Variants in PPRC1 observed in about 807,000 individuals in gnomAD.
The protein encoded by PPRC1 is peroxisome proliferator-activated receptor gamma coactivator-related protein 1.
Under a neutral mutation model 132.5 loss-of-function variants are expected in PPRC1, and 23 were observed. That is an observed-to-expected ratio of 0.17 (90% CI 0.12 to 0.25). The LOEUF is 0.25. Ranked by LOEUF, PPRC1 falls within the 10% of genes least tolerant of loss-of-function variation. PPRC1 has a pLI of 1.00. For missense variants in PPRC1, 2,006 were observed against 2,089.1 expected, an observed-to-expected ratio of 0.96 and a Z score of 0.78; for synonymous variants, 872 against 833.5, an observed-to-expected ratio of 1.05 and a Z score of -0.80.
At position 102,133,168 on chromosome 10, in the gene PPRC1, A is replaced by G; in HGVS notation, c.100A>G (p.Ser34Gly). ...GGGARGSGWG[S>G]RSQAPYGTLG... ...GGGAGCCCGCGGCAGTGGTTGGGGA[A>G]GTCGAAGCCAAGCGCCGTATGGGAC... Residue 34 changes from serine to glycine, a missense_variant, in exon 1 of 14, where the codon AGT becomes GGT. Around this residue, in one of 2 missense-constraint regions of PPRC1, gnomAD observed 1,914 missense variants for 1,917.2 expected, o/e 1.00. Coordinates refer to ENST00000278070, the MANE Select transcript of PPRC1 (RefSeq NM_015062.5). 1 of 1,270,640 alleles carries G rather than the reference A, an allele frequency of 7.9e-7. No homozygotes were observed. The highest frequency in any genetic ancestry group is 1.5e-5 in the African/African-American group (1 of 65,650). 78.7% of individuals were successfully genotyped at this position (1,270,640 alleles called of 1,614,324 possible).
In PPRC1 at chr10:102,147,372, C is replaced by A. The variant is rs200472653; in HGVS notation, c.4380C>A (p.Pro1460=). ...GATCTCGGTCCAGGTCCCTCTCCCC[C>A]CCACACAAGAGGTGGCGAAGGTGAG... ...SSRSRSRSLS[P]PHKRWRRSSC... is the part of the protein sequence containing the mutation. The change falls in exon 9 of 14, where the codon CCC becomes CCA. Residue 1460 remains proline, a synonymous_variant. Transcript: ENST00000278070. The A allele has an allele frequency of 1.2e-6, 2 of 1,605,936 alleles. No individual in the cohort carries two copies. Among genetic ancestry groups the A allele is most frequent in the Non-Finnish European group, 1.7e-6 (2 of 1,178,084 alleles).
At chr10:102,119,967 GC>G in the PPRC1 span, 17 of 729,152 alleles carry the variant, frequency 2.3e-5, no homozygotes, top group East Asian at 3.5e-5. Flanking sequence ...AGCCCTTCCA[GC>G]CCCCGGCTTC....
At position 102,147,333 on chromosome 10, in the gene PPRC1, G is replaced by C. The variant is rs769884934; in HGVS notation, c.4341G>C (p.Ser1447=). Residue 1447 remains serine, a synonymous_variant, in exon 9 of 14, where the codon TCG becomes TCC. Coordinates refer to ENST00000278070, the MANE Select transcript of PPRC1 (RefSeq NM_015062.5). The part of the protein sequence containing the change: ...TSEASSSSSS[S]SSSSRSRSRS... ...AAGCATCTTCCTCATCCTCATCATC[G>C]TCTTCCTCATCCCGATCTCGGTCCA... 6.2e-7 allele frequency: 1 copy of C among 1,611,620 alleles called. No homozygotes were observed. Among genetic ancestry groups the C allele is most frequent in the Non-Finnish European group, 8.5e-7 (1 of 1,179,964 alleles).
upstream of PPRC1, among the ~76,000 whole-genome samples, chr10:102,130,432 A>AC (rs979398279): frequency 3.4e-5 from 5 of 147,992 alleles, no homozygotes; most frequent in African/African-American, 1.3e-4. Context: ...AAAAAAAAAA[A>AC]AAAAAAAAAA....
At chr10:102,145,469 G>C (rs1590352210) in intron 8 of PPRC1, among the ~76,000 whole-genome samples, 1 of 152,142 alleles carries the variant, frequency 6.6e-6, no homozygotes, top group African/African-American at 2.4e-5. Flanking sequence ...TACTTGGGAG[G>C]CTGAGGCAGG....
At position 102,140,802 on chromosome 10, in the gene PPRC1, C is replaced by A; in HGVS notation, c.2294C>A (p.Ala765Glu). The A allele has an allele frequency of 1.9e-6, 3 of 1,611,994 alleles. No individual in the cohort carries two copies. The highest frequency in any genetic ancestry group is 2.5e-6 in the Non-Finnish European group (3 of 1,179,748). ...CGGCGACGAAGGCAGCAACGCCAAG[C>A]AGAAACAGAAGAGAGAAGTCCACAG... Reference protein sequence around the residue: ...EYRRRRQQRQAETEERSPQPP... With the variant: ...EYRRRRQQRQEETEERSPQPP... The change falls in exon 5 of 14, where the codon GCA becomes GAA. Residue 765 changes from alanine to glutamate, a missense_variant. Transcript: ENST00000278070.
Position 102,149,244 on chromosome 10 carries a change from C to G in PPRC1, c.4806C>G (p.His1602Gln). The change falls in exon 13 of 14, where the codon CAC becomes CAG. Residue 1602 changes from histidine to glutamine, a missense_variant. His to Gln is a conservative substitution (Grantham distance 24, BLOSUM62 0). Around this residue, in one of 2 missense-constraint regions of PPRC1, gnomAD observed 92 missense variants for 171.9 expected, o/e 0.54. Transcript: ENST00000278070. ...EEAFAAIESG[H>Q]KLRQADEQPF... ...CATTTGCAGCCATTGAGAGTGGCCA[C>G]AAGCTGCGGCAGGCAGATGAGCAGC... is the stretch of plus-strand genomic sequence containing the variant. 1 of 1,612,386 alleles carries G rather than the reference C, an allele frequency of 6.2e-7. No individual in the cohort carries two copies. Among genetic ancestry groups the G allele is most frequent in the Non-Finnish European group, 8.5e-7 (1 of 1,179,224 alleles).
At chr10:102,143,316 C>T (rs1395823146) in intron 6 of PPRC1, among the ~76,000 whole-genome samples, 2 of 151,818 alleles carry the variant, frequency 1.3e-5, no homozygotes, top group African/African-American at 4.8e-5. Context: ...GACTGGGAAT[C>T]CAGGCCAGGC....
At position 102,141,599 on chromosome 10, in the gene PPRC1, C is replaced by T. The variant is rs1441638413; in HGVS notation, c.3091C>T (p.Pro1031Ser). The T allele has an allele frequency of 6.2e-7, 1 of 1,614,204 alleles. No homozygotes were observed. Among genetic ancestry groups the T allele is most frequent in the South Asian group, 1.1e-5 (1 of 91,092 alleles). The change falls in exon 5 of 14, where the codon CCC (proline) becomes TCC (serine). Residue 1031 changes from proline (P) to serine (S), a missense_variant. Transcript: ENST00000278070. ...AGCTGGCCCTCCTGAAAATGTACTT[C>T]CCTTGTCGATGGCTCCTCCCCTCAG... ...TPAGPPENVLPLSMAPPLSLG... is the reference protein window; with the variant it reads ...TPAGPPENVLSLSMAPPLSLG...
the PPRC1 span, among the ~76,000 whole-genome samples, chr10:102,127,019 TCATATATATATATATATATA>T: frequency 3.8e-4 from 30 of 78,892 alleles, 1 homozygote; most frequent in Middle Eastern, 0.023. Flanking sequence ...TGGTTTTTTA[TCATATATATATATATATATA>T]TATATATATA....
upstream of PPRC1, among the ~76,000 whole-genome samples, chr10:102,132,138 A>G (rs1462526598): frequency 6.6e-6 from 1 of 152,234 alleles, no homozygotes; most frequent in African/African-American, 2.4e-5. Flanking sequence ...ATGAATACAC[A>G]CTAAAAGTAA....
rs367601455 is a variant in PPRC1, at chr10:102,145,778, T to G, written c.3679+688T>G. On this transcript the variant is annotated intron_variant, in intron 8 of 13. Coordinates refer to ENST00000278070, the MANE Select transcript of PPRC1 (RefSeq NM_015062.5). ...TACTTGGGAGGCTGAGGCAGGAGAA[T>G]AGCGTGAACCCAGGAGGTTGAGCTT... is the stretch of plus-strand genomic sequence containing the variant. 3.9e-5 allele frequency among the ~76,000 whole-genome samples: 6 copies of G among 151,910 alleles called. No homozygotes were observed. In the East Asian group the frequency reaches 9.6e-4, roughly 24 times the overall value.
chr10:102,125,437 T>C, the PPRC1 span, among the ~76,000 whole-genome samples: 1 of 151,878 alleles, frequency 6.6e-6, no homozygotes, highest in Non-Finnish European at 1.5e-5. Flanking sequence ...TCTTTTGTAT[T>C]TTAGTAGAGA....
upstream of PPRC1, among the ~76,000 whole-genome samples, chr10:102,129,725 C>G (rs1037305198): frequency 6.6e-6 from 1 of 152,198 alleles, no homozygotes; most frequent in Non-Finnish European, 1.5e-5. Context: ...CTGCCTCAGC[C>G]TCCTGAGTAG....
Position 102,145,526 on chromosome 10 carries a change from G to A in PPRC1, c.3679+436G>A, listed in dbSNP as rs928338373. Among the ~76,000 whole-genome samples the A allele has an allele frequency of 1.3e-4, 20 of 150,334 alleles. No individual in the cohort carries two copies. In the East Asian group the frequency reaches 1.4e-3, roughly 10 times the overall value. Reference sequence around the variant, plus strand: ...GTGGAGGTTGCAGGGAGCTGAGATCGTGCCACTGCACTCCAGCCTGGGGGA... The same window carrying A: ...GTGGAGGTTGCAGGGAGCTGAGATCATGCCACTGCACTCCAGCCTGGGGGA... On this transcript the variant is annotated intron_variant, in intron 8 of 13. Transcript: ENST00000278070.
In PPRC1 at chr10:102,141,598, T is replaced by C. The variant is rs1238948188; in HGVS notation, c.3090T>C (p.Leu1030=). ...CAGCTGGCCCTCCTGAAAATGTACT[T>C]CCCTTGTCGATGGCTCCTCCCCTCA... The part of the protein sequence containing the change: ...GTPAGPPENV[L]PLSMAPPLSL... Residue 1030 remains leucine, a synonymous_variant, in exon 5 of 14, where the codon CTT becomes CTC. Transcript: ENST00000278070. The C allele has an allele frequency of 6.2e-7, 1 of 1,614,090 alleles. No homozygotes were observed. The highest frequency in any genetic ancestry group is 1.1e-5 in the South Asian group (1 of 91,086).
At chr10:102,149,633 G>A (rs1329892042) in intron 13 of PPRC1, among the ~76,000 whole-genome samples, 1 of 151,786 alleles carries the variant, frequency 6.6e-6, no homozygotes, top group African/African-American at 2.4e-5. Context: ...TCGGGAAGCT[G>A]AGGCAGGAGA....
chr10:102,133,832 C>G (rs1312671458), intron 1 of PPRC1, among the ~76,000 whole-genome samples: 1 of 151,870 alleles, frequency 6.6e-6, no homozygotes, highest in East Asian at 1.9e-4. Context: ...AGGCCCGGGC[C>G]GGGAAGGAAG....
At position 102,149,968 on chromosome 10, in the gene PPRC1, A is replaced by G. The variant is rs137986551; in HGVS notation, c.4934A>G (p.Lys1645Arg). ...TTTGACCCAGCACCTGTAAAGAGCAAATTTGATTCTCTTGACTTTGACACA... is the reference window on the plus strand; with the variant it reads ...TTTGACCCAGCACCTGTAAAGAGCAGATTTGATTCTCTTGACTTTGACACA... ...EDFDPAPVKS[K>R]FDSLDFDTLL... is the part of the protein sequence containing the mutation. The change falls in exon 14 of 14, where the codon AAA (lysine) becomes AGA (arginine). Residue 1645 changes from lysine (K) to arginine (R), a missense_variant. Coordinates refer to ENST00000278070, the MANE Select transcript of PPRC1 (RefSeq NM_015062.5). 23 of 1,613,766 alleles carry G rather than the reference A, an allele frequency of 1.4e-5. No individual in the cohort carries two copies. Among genetic ancestry groups the G allele is most frequent in the Middle Eastern group, 3.3e-4 (2 of 6,084 alleles).
Sources: allele counts gnomAD v4.1 joint callset (sites outside exome capture counted in the v4.1 genomes callset), GRCh38; gene constraint gnomAD v4.1.1; regional missense constraint gnomAD v4.1.1; transcripts MANE v1.5; gene names NCBI Gene and HGNC (gene_info 2026-07-23, HGNC 2026-07-21).